Variants in ZNG1A observed in about 807,000 individuals in gnomAD.
ZNG1A encodes zinc-regulated GTPase metalloprotein activator 1A.
the ZNG1A span, among the ~76,000 whole-genome samples, chr9:127,784 T>A: frequency 6.6e-6 from 1 of 152,236 alleles, no homozygotes; most frequent in East Asian, 1.9e-4. Context: ...TATTTTTGTT[T>A]TATACGTCCT....
the ZNG1A span, among the ~76,000 whole-genome samples, chr9:169,015 T>C: frequency 6.6e-6 from 1 of 152,130 alleles, no homozygotes. Context: ...GGAGTAACTT[T>C]GACTTTTAAG....
chr9:178,358 T>C, the ZNG1A span, among the ~76,000 whole-genome samples: 1 of 151,790 alleles, frequency 6.6e-6, no homozygotes, highest in Non-Finnish European at 1.5e-5. Context: ...CTCTGGCTCG[T>C]GGGGAAGGGG....
the ZNG1A span, among the ~76,000 whole-genome samples, chr9:140,737 T>C: frequency 6.6e-6 from 1 of 152,042 alleles, no homozygotes; most frequent in Non-Finnish European, 1.5e-5. Flanking sequence ...ACGATCAAAC[T>C]ACTCCGAGCT....
the ZNG1A span, chr9:147,978 T>A: frequency 1.7e-4 from 26 of 151,344 alleles, no homozygotes; most frequent in Admixed American, 5.9e-4. Flanking sequence ...TGAGCCGAGG[T>A]CGCACCACCG....
chr9:140,345 G>A, the ZNG1A span, among the ~76,000 whole-genome samples: 21 of 151,526 alleles, frequency 1.4e-4, 1 homozygote, highest in Admixed American at 9.2e-4. Context: ...CCTCAAGTGG[G>A]TCCCTGACCC....
the ZNG1A span, among the ~76,000 whole-genome samples, chr9:171,202 C>T: frequency 1.3e-5 from 2 of 152,176 alleles, no homozygotes; most frequent in South Asian, 4.2e-4. Flanking sequence ...GTTTTAAGTA[C>T]AATAACCACT....
At chr9:128,845 C>T in the ZNG1A span, among the ~76,000 whole-genome samples, 2 of 150,520 alleles carry the variant, frequency 1.3e-5, no homozygotes, top group Non-Finnish European at 2.9e-5. Flanking sequence ...GGTTGTTGTT[C>T]AGATTCTTTC....
At chr9:151,319 G>A in the ZNG1A span, 11 of 981,880 alleles carry the variant, frequency 1.1e-5, no homozygotes, top group African/African-American at 3.6e-5. Flanking sequence ...GGCCTCTGCT[G>A]TACTTCCAAA....
chr9:158,404 T>A, the ZNG1A span, among the ~76,000 whole-genome samples: 1 of 151,672 alleles, frequency 6.6e-6, no homozygotes, highest in Non-Finnish European at 1.5e-5. Context: ...GAAAATTCTT[T>A]TTAAACTGAA....
chr9:124,957 T>C, the ZNG1A span, among the ~76,000 whole-genome samples: 37 of 152,220 alleles, frequency 2.4e-4, no homozygotes, highest in African/African-American at 5.1e-4. Context: ...CACGCATTGA[T>C]TGATGGGCCT....
the ZNG1A span, among the ~76,000 whole-genome samples, chr9:152,319 G>C: frequency 6.6e-6 from 1 of 151,968 alleles, no homozygotes; most frequent in Non-Finnish European, 1.5e-5. Context: ...GCAAAAATTC[G>C]CACAACTGTC....
chr9:172,986 A>C, the ZNG1A span: 5 of 305,850 alleles, frequency 1.6e-5, no homozygotes, highest in Non-Finnish European at 2.9e-5. Flanking sequence ...AATTCAGAAT[A>C]ATCATTTTTT....
the ZNG1A span, among the ~76,000 whole-genome samples, chr9:177,492 T>C: frequency 1.3e-5 from 2 of 150,618 alleles, no homozygotes; most frequent in Non-Finnish European, 3.0e-5. Context: ...CACAGGTGTG[T>C]AGCTAAAGAT....
the ZNG1A span, among the ~76,000 whole-genome samples, chr9:168,204 A>C: frequency 7.6e-6 from 1 of 132,412 alleles, no homozygotes; most frequent in Non-Finnish European, 1.6e-5. Flanking sequence ...AGATGTAGCT[A>C]ACATCATTCA....
At chr9:171,640 T>A in the ZNG1A span, 1 of 206,274 alleles carries the variant, frequency 4.8e-6, no homozygotes, top group South Asian at 7.5e-5. Context: ...TTAAAGTATA[T>A]GGGAGGATGT....
the ZNG1A span, among the ~76,000 whole-genome samples, chr9:139,314 G>T: frequency 2.7e-5 from 4 of 150,510 alleles, no homozygotes; most frequent in Non-Finnish European, 5.9e-5. Flanking sequence ...AATTAAAATA[G>T]TCAACCCCAT....
At chr9:174,667 C>T in the ZNG1A span, among the ~76,000 whole-genome samples, 16 of 150,608 alleles carry the variant, frequency 1.1e-4, no homozygotes, top group African/African-American at 3.5e-4. Context: ...ATATAACTGG[C>T]TTCCCATCCT....
chr9:154,107 T>C, the ZNG1A span: 1 of 152,836 alleles, frequency 6.5e-6, no homozygotes, highest in South Asian at 2.1e-4. Context: ...CTGATTGTCC[T>C]ATGCTGATCA....
the ZNG1A span, among the ~76,000 whole-genome samples, chr9:157,730 T>C: frequency 6.8e-6 from 1 of 146,498 alleles, no homozygotes; most frequent in Admixed American, 6.9e-5. Flanking sequence ...TTATGCCACA[T>C]AAAATCAGTC....
Sources: allele counts gnomAD v4.1 joint callset (sites outside exome capture counted in the v4.1 genomes callset), GRCh38; gene constraint gnomAD v4.1.1; transcripts MANE v1.5; gene names NCBI Gene and HGNC (gene_info 2026-07-23, HGNC 2026-07-21).